PIEZO2: variants seen among roughly 807,000 people sequenced by gnomAD.
PIEZO2 encodes the protein piezo type mechanosensitive ion channel component 2.
PIEZO2 carries 172 observed loss-of-function variants against 337.3 expected under a neutral mutation model. That is an observed-to-expected ratio of 0.51 (90% CI 0.45 to 0.58). PIEZO2 has a LOEUF of 0.58. PIEZO2 is among the 20% of genes least tolerant of loss of function. The pLI is 0.00. For synonymous variants in PIEZO2, 1,251 were observed against 1,228.5 expected, an observed-to-expected ratio of 1.02 and a Z score of -0.38; for missense variants, 3,028 against 3,391.3, an observed-to-expected ratio of 0.89 and a Z score of 2.66.
At chr18:10,966,656 A>T (rs865947249) in intron 3 of PIEZO2, among the ~76,000 whole-genome samples, 2 of 151,914 alleles carry the variant, frequency 1.3e-5, no homozygotes, top group African/African-American at 2.4e-5. Flanking sequence ...TGGGAAACAG[A>T]TGTTGTTTGG....
intron 3 of PIEZO2, among the ~76,000 whole-genome samples, chr18:10,936,424 A>T (rs1464207765): frequency 6.6e-6 from 1 of 152,098 alleles, no homozygotes; most frequent in Non-Finnish European, 1.5e-5. Context: ...AATTTTTTTT[A>T]AAAAGAACAA....
chr18:11,091,922 G>A (rs764572896), intron 1 of PIEZO2, among the ~76,000 whole-genome samples: 1 of 152,170 alleles, frequency 6.6e-6, no homozygotes, highest in African/African-American at 2.4e-5. Context: ...GCTTTCACAC[G>A]ACAACCTCCT....
intron 4 of PIEZO2, among the ~76,000 whole-genome samples, chr18:10,884,401 C>T (rs535058688): frequency 1.3e-5 from 2 of 152,216 alleles, no homozygotes; most frequent in African/African-American, 4.8e-5. Context: ...AGGGATATTC[C>T]GTCCTCCTCC....
At chr18:10,886,511 T>TATATATATATATATGTA (rs2042613445) in intron 4 of PIEZO2, among the ~76,000 whole-genome samples, 1 of 118,372 alleles carries the variant, frequency 8.4e-6, no homozygotes. Flanking sequence ...CATATACACA[T>TATATATATATATATGTA]TATATATATA....
chr18:10,888,224 T>C lies in PIEZO2; in HGVS notation c.330-16809A>G, dbSNP rs999971986. Among the ~76,000 whole-genome samples the C allele has an allele frequency of 6.6e-6, 1 of 152,210 alleles. No homozygotes were observed. The highest frequency in any genetic ancestry group is 2.4e-5 in the African/African-American group (1 of 41,462). On this transcript the variant is annotated intron_variant, in intron 4 of 55. Transcript: ENST00000674853. The surrounding 1 kb of genome is among the most constrained non-coding windows in gnomAD (Gnocchi z 4.1). ...CTTAGCTAAGTAATATCAGTGTGGA[T>C]GCATGAACTTCTCTTTTATTAGATA...
rs1387867401 is a variant in PIEZO2, at chr18:11,047,186, T to C, written c.160+18941A>G. Among the ~76,000 whole-genome samples, 1 of 152,180 alleles carries C rather than the reference T, an allele frequency of 6.6e-6. No homozygotes were observed. Among genetic ancestry groups the C allele is most frequent in the African/African-American group, 2.4e-5 (1 of 41,452 alleles). On this transcript the variant is annotated intron_variant, in intron 2 of 55. Transcript: ENST00000674853. This position sits in a 1 kb window ranked among gnomAD's most constrained non-coding sequence, Gnocchi z 7.2. ...GGGGTCCTCCTTACTGCATGGTACC[T>C]CCCACCACTGCTGCCCTTGCTCTCA...
At position 11,148,825 on chromosome 18, in the gene PIEZO2, T is replaced by G; in HGVS notation, c.-237A>C. ...CCTCACCAGGCTCTTGGCGGCCACC[T>G]AGCCCGGCGCCCGGCCCCCTGCGGC... On this transcript the variant is annotated 5_prime_UTR_variant, in exon 1 of 56. Transcript: ENST00000674853. This position sits in a 1 kb window ranked among gnomAD's most constrained non-coding sequence, Gnocchi z 5.2. 1 of 440,900 alleles carries G rather than the reference T, an allele frequency of 2.3e-6. No individual in the cohort carries two copies. Among genetic ancestry groups the G allele is most frequent in the Non-Finnish European group, 4.0e-6 (1 of 252,730 alleles). The allele number at this position is 440,900 out of a possible 1,614,324, so 27.3% of individuals were successfully genotyped here. A position where few individuals can be genotyped will look rare whatever the true frequency, so the allele number is the denominator to read the frequency against.
chr18:11,040,727 G>A (rs573217117), intron 2 of PIEZO2, among the ~76,000 whole-genome samples: 28 of 152,064 alleles, frequency 1.8e-4, no homozygotes, highest in African/African-American at 6.3e-4. Flanking sequence ...CAATGTGGGC[G>A]AAAAAAGTGT....
intron 7 of PIEZO2, among the ~76,000 whole-genome samples, chr18:10,809,260 C>CTCTCT (rs1173120936): frequency 3.0e-5 from 2 of 65,804 alleles, no homozygotes; most frequent in African/African-American, 1.2e-4. Flanking sequence ...CTCTCTCTCT[C>CTCTCT]TTTTTTTTTT....
In PIEZO2 at chr18:10,726,510, T is replaced by C; in HGVS notation, c.5029+4897A>G. 6.7e-7 allele frequency: 1 copy of C among 1,487,362 alleles called. No individual in the cohort carries two copies. The highest frequency in any genetic ancestry group is 1.3e-5 in the South Asian group (1 of 75,354). The allele number at this position is 1,487,362 out of a possible 1,614,324, so 92.1% of individuals were successfully genotyped here. On this transcript the variant is annotated intron_variant, in intron 36 of 55. Transcript: ENST00000674853. The surrounding 1 kb of genome is among the most constrained non-coding windows in gnomAD (Gnocchi z 5.9). ...AGCGTGCTGCTCCGCAAGCAGCCGT[T>C]CCTGTGGCGCGCTGCGCTGCTCTGC...
At position 10,953,452 on chromosome 18, in the gene PIEZO2, T is replaced by C. The variant is rs1200175364; in HGVS notation, c.286+26083A>G. Among the ~76,000 whole-genome samples, 1 of 152,218 alleles carries C rather than the reference T, an allele frequency of 6.6e-6. No individual in the cohort carries two copies. Among genetic ancestry groups the C allele is most frequent in the Admixed American group, 6.5e-5 (1 of 15,282 alleles). ...TATGGAGCAAATTAAGAATTTAAGTTCTTTTTTTAATATAAAAAAACACTA... is the reference window on the plus strand; with the variant it reads ...TATGGAGCAAATTAAGAATTTAAGTCCTTTTTTTAATATAAAAAAACACTA... On this transcript the variant is annotated intron_variant, in intron 3 of 55. Transcript: ENST00000674853. The surrounding 1 kb of genome is among the most constrained non-coding windows in gnomAD (Gnocchi z 5.2).
At position 10,940,900 on chromosome 18, in the gene PIEZO2, G is replaced by T. The variant is rs982162708; in HGVS notation, c.287-29672C>A. Among the ~76,000 whole-genome samples, 2 of 151,946 alleles carry T rather than the reference G, an allele frequency of 1.3e-5. No homozygotes were observed. Among genetic ancestry groups the T allele is most frequent in the African/African-American group, 4.8e-5 (2 of 41,388 alleles). ...ATTCAGTCTGAGATATATTTTCATG[G>T]TTACCCATTACTATAGCAAGGTTAT... On this transcript the variant is annotated intron_variant, in intron 3 of 55. Transcript: ENST00000674853. The surrounding 1 kb of genome is among the most constrained non-coding windows in gnomAD (Gnocchi z 5.3).
chr18:10,988,483 T>C lies in PIEZO2; in HGVS notation c.161-8823A>G, dbSNP rs1333835524. On this transcript the variant is annotated intron_variant, in intron 2 of 55. Transcript: ENST00000674853. This position sits in a 1 kb window ranked among gnomAD's most constrained non-coding sequence, Gnocchi z 4.8. ...TGGAGAAAAGAGAACTCTTATATAC[T>C]GTTGGTGAAAATGTAACTTGGTAGC... Among the ~76,000 whole-genome samples, 1 of 152,182 alleles carries C rather than the reference T, an allele frequency of 6.6e-6. No individual in the cohort carries two copies. Among genetic ancestry groups the C allele is most frequent in the Admixed American group, 6.5e-5 (1 of 15,274 alleles).
intron 1 of PIEZO2, among the ~76,000 whole-genome samples, chr18:11,121,984 T>C (rs1200796214): frequency 4.6e-5 from 7 of 152,124 alleles, no homozygotes; most frequent in African/African-American, 9.7e-5. Flanking sequence ...GATGGAGTCT[T>C]GCTCTGTCAC....
chr18:10,766,835 G>C lies in PIEZO2; in HGVS notation c.2946+3313C>G, dbSNP rs979862809. The stretch of plus-strand genomic sequence containing the variant: ...TTTCAAGCTACTACACTAGCACCTA[G>C]CACCATGTACGCATTCACTTTATTG... On this transcript the variant is annotated intron_variant, in intron 21 of 55. Transcript: ENST00000674853. The surrounding 1 kb of genome is among the most constrained non-coding windows in gnomAD (Gnocchi z 6.1). Among the ~76,000 whole-genome samples, 2 of 152,228 alleles carry C rather than the reference G, an allele frequency of 1.3e-5. No homozygotes were observed. The highest frequency in any genetic ancestry group is 4.8e-5 in the African/African-American group (2 of 41,460).
At position 11,024,135 on chromosome 18, in the gene PIEZO2, G is replaced by T. The variant is rs569249545; in HGVS notation, c.160+41992C>A. 3.9e-5 allele frequency among the ~76,000 whole-genome samples: 6 copies of T among 152,366 alleles called. No individual in the cohort carries two copies. The South Asian group carries it at 6.2e-4, about 16-fold the overall frequency. On this transcript the variant is annotated intron_variant, in intron 2 of 55. Transcript: ENST00000674853. The stretch of plus-strand genomic sequence containing the variant: ...CTGAAGGGCTCCTCAAGCGCGGCCT[G>T]AGTGGGCGCCAAGGCCGCAGAGGCA...
In PIEZO2 at chr18:10,770,188, T is replaced by C. The variant is rs1365120081; in HGVS notation, c.2906A>G (p.Lys969Arg). 6.5e-7 allele frequency: 1 copy of C among 1,537,288 alleles called. No homozygotes were observed. Among genetic ancestry groups the C allele is most frequent in the Non-Finnish European group, 8.7e-7 (1 of 1,146,928 alleles). Residue 969 changes from lysine to arginine, a missense_variant, in exon 21 of 56, where the codon AAA becomes AGA. Physicochemically the swap from Lys to Arg is conservative, Grantham distance 26. Around this residue, in one of 5 missense-constraint regions of PIEZO2, gnomAD observed 1,925 missense variants for 2,051.9 expected, o/e 0.94. Transcript: ENST00000674853. ...MWWILELHIIKIVSSYIIWVS... is the reference protein window; with the variant it reads ...MWWILELHIIRIVSSYIIWVS... ...CCAGATAATGTAAGAGGAAACGATT[T>C]TGATGATGTGCAACTCCAAAATCCA...
intron 3 of PIEZO2, among the ~76,000 whole-genome samples, chr18:10,928,119 C>A (rs187666158): frequency 1.3e-5 from 2 of 152,118 alleles, no homozygotes; most frequent in African/African-American, 4.8e-5. Context: ...GGCTCATACA[C>A]GCCATTAGGA....
rs1567944763 is a variant in PIEZO2, at chr18:10,684,100, C to CTTTCTT, written c.7498-1809_7498-1808insAAGAAA. Among the ~76,000 whole-genome samples the CTTTCTT allele has an allele frequency of 4.9e-4, 21 of 42,440 alleles. 1 individual carries two copies. Among genetic ancestry groups the CTTTCTT allele is most frequent in the East Asian group, 4.3e-3 (6 of 1,410 alleles). The allele number at this position is 42,440 out of a possible 152,430, so 27.8% of individuals were successfully genotyped here. ...TTTTTCCTTCCTTCCTTCCTTCTTT[C>CTTTCTT]TCTCTCTCTTTCTTTCTTTCTTTCT... On this transcript the variant is annotated intron_variant, in intron 49 of 55. Transcript: ENST00000674853.
Sources: gnomAD v4.1 joint callset for allele counts (sites outside exome capture counted in the v4.1 genomes callset) on GRCh38, gnomAD v4.1.1 for gene constraint, gnomAD v4.1.1 regional missense constraint, Gnocchi (gnomAD v3.1) non-coding constraint, MANE v1.5 for transcripts, NCBI Gene and HGNC (gene_info 2026-07-23, HGNC 2026-07-21) for gene names.